The following CTNND2 variants were observed in gnomAD, a reference collection of about 807,000 sequenced individuals.
CTNND2 encodes the protein catenin delta-2.
CTNND2 carries 22 observed loss-of-function variants against 144.4 expected under a neutral mutation model. The ratio of observed to expected loss-of-function variants is 0.15; its 90% CI spans 0.11 to 0.22. CTNND2 has a LOEUF of 0.22. Ranked by LOEUF, CTNND2 falls within the 10% of genes least tolerant of loss-of-function variation. CTNND2 has a pLI of 1.00. For missense variants in CTNND2, 1,353 were observed against 1,618.8 expected (o/e 0.84, Z 2.82); for synonymous variants, 751 against 695.6 (o/e 1.08, Z -1.25).
intron 3 of CTNND2, among the ~76,000 whole-genome samples, chr5:11,498,041 GTGCCTGAAATC>G (rs1770149910): frequency 1.3e-5 from 2 of 152,128 alleles, no homozygotes; most frequent in Non-Finnish European, 2.9e-5. Flanking sequence ...AGTGAATGAA[GTGCCTGAAATC>G]AGGACTCCCC....
chr5:11,383,665 T>C (rs546627526), intron 7 of CTNND2, among the ~76,000 whole-genome samples: 3 of 152,338 alleles, frequency 2.0e-5, no homozygotes, highest in East Asian at 1.9e-4. Flanking sequence ...GCTCCTTTTT[T>C]AAATCCTATT....
At chr5:11,136,176 T>G (rs988017490) in intron 12 of CTNND2, among the ~76,000 whole-genome samples, 1 of 152,198 alleles carries the variant, frequency 6.6e-6, no homozygotes, top group Non-Finnish European at 1.5e-5. Flanking sequence ...CTTCCCAGCC[T>G]CTAGAACTGT....
At chr5:11,329,356 T>C (rs1752847983) in intron 9 of CTNND2, among the ~76,000 whole-genome samples, 1 of 152,278 alleles carries the variant, frequency 6.6e-6, no homozygotes, top group South Asian at 2.1e-4. Flanking sequence ...CGTTTCATCA[T>C]GGTGGCCAGG....
At chr5:11,631,828 G>A (rs1229147716) in intron 2 of CTNND2, among the ~76,000 whole-genome samples, 1 of 152,128 alleles carries the variant, frequency 6.6e-6, no homozygotes, top group Non-Finnish European at 1.5e-5. Context: ...GGAGGAGGAA[G>A]TTTACCATCC....
chr5:11,841,215 T>C (rs939972395), intron 1 of CTNND2, among the ~76,000 whole-genome samples: 2 of 152,218 alleles, frequency 1.3e-5, no homozygotes, highest in Admixed American at 1.3e-4. Flanking sequence ...TAATCCATTT[T>C]AGAGACACTT....
intron 1 of CTNND2, among the ~76,000 whole-genome samples, chr5:11,746,108 C>A (rs1788299255): frequency 1.3e-5 from 2 of 152,154 alleles, no homozygotes; most frequent in South Asian, 4.1e-4. Context: ...CACATCTCCA[C>A]TCTTAAGGCT....
intron 1 of CTNND2, among the ~76,000 whole-genome samples, chr5:11,815,244 C>T (rs906368461): frequency 3.9e-5 from 6 of 152,038 alleles, no homozygotes; most frequent in Admixed American, 3.9e-4. Context: ...AGTTTCTGTA[C>T]CAATGAATTA....
intron 2 of CTNND2, among the ~76,000 whole-genome samples, chr5:11,692,989 T>G (rs1201470555): frequency 2.0e-5 from 3 of 152,230 alleles, no homozygotes; most frequent in Admixed American, 1.3e-4. Context: ...CAGTAAGAAT[T>G]TCTGTATTTC....
At chr5:11,463,900 T>C (rs1313232131) in intron 3 of CTNND2, among the ~76,000 whole-genome samples, 1 of 152,026 alleles carries the variant, frequency 6.6e-6, no homozygotes, top group African/African-American at 2.4e-5. Flanking sequence ...GACAAGTTTC[T>C]GGTTTCTTTT....
intron 9 of CTNND2, among the ~76,000 whole-genome samples, chr5:11,251,839 G>GACTT (rs1420679006): frequency 2.6e-5 from 4 of 152,248 alleles, no homozygotes; most frequent in African/African-American, 9.6e-5. Context: ...TGGGAAAATA[G>GACTT]ACTTACACTC....
chr5:11,239,947 C>T (rs554985248), intron 9 of CTNND2, among the ~76,000 whole-genome samples: 18 of 152,288 alleles, frequency 1.2e-4, no homozygotes, highest in Non-Finnish European at 1.9e-4. Context: ...TGTCAGCTGG[C>T]TCCTACAGTT....
chr5:11,554,103 C>T (rs1290585007), intron 3 of CTNND2, among the ~76,000 whole-genome samples: 1 of 152,002 alleles, frequency 6.6e-6, no homozygotes, highest in Non-Finnish European at 1.5e-5. Flanking sequence ...AATATGATGA[C>T]TGGTATTTTA....
At chr5:11,245,440 C>T (rs573308933) in intron 9 of CTNND2, among the ~76,000 whole-genome samples, 12 of 152,162 alleles carry the variant, frequency 7.9e-5, no homozygotes, top group South Asian at 2.1e-4. Flanking sequence ...AGAAGAGGGA[C>T]GCAGAGGGAG....
chr5:11,644,730 AC>A (rs1782260036), intron 2 of CTNND2, among the ~76,000 whole-genome samples: 1 of 152,042 alleles, frequency 6.6e-6, no homozygotes, highest in Non-Finnish European at 1.5e-5. Context: ...TGCTGGTTTT[AC>A]AAAAACATAA....
intron 3 of CTNND2, among the ~76,000 whole-genome samples, chr5:11,456,896 C>G (rs1765781252): frequency 6.6e-6 from 1 of 152,128 alleles, no homozygotes; most frequent in Non-Finnish European, 1.5e-5. Flanking sequence ...ATCTAGAACT[C>G]TGGTCTTCAT....
chr5:11,577,390 A>G (rs1778053363), intron 2 of CTNND2, among the ~76,000 whole-genome samples: 1 of 152,238 alleles, frequency 6.6e-6, no homozygotes, highest in Non-Finnish European at 1.5e-5. Context: ...ATAGAATGCA[A>G]AGTAATGCTA....
At chr5:11,280,480 T>A (rs1376994095) in intron 9 of CTNND2, among the ~76,000 whole-genome samples, 1 of 152,206 alleles carries the variant, frequency 6.6e-6, no homozygotes, top group Non-Finnish European at 1.5e-5. Flanking sequence ...GCAACCTTCC[T>A]GCTGTGCCCT....
At chr5:11,492,628 A>G (rs181340307) in intron 3 of CTNND2, among the ~76,000 whole-genome samples, 5 of 151,964 alleles carry the variant, frequency 3.3e-5, no homozygotes, top group Non-Finnish European at 7.4e-5. Flanking sequence ...AAAAATTTCT[A>G]TACATATTAA....
chr5:11,621,509 G>GA (rs900311105), intron 2 of CTNND2, among the ~76,000 whole-genome samples: 5 of 151,916 alleles, frequency 3.3e-5, no homozygotes, highest in African/African-American at 4.8e-5. Context: ...TTTTGGTTGA[G>GA]AAAAAATCGT....
Sources: gnomAD v4.1 joint callset for allele counts (sites outside exome capture counted in the v4.1 genomes callset) on GRCh38, gnomAD v4.1.1 for gene constraint, MANE v1.5 for transcripts, NCBI Gene and HGNC (gene_info 2026-07-23, HGNC 2026-07-21) for gene names.